The following PRKG2 variants were observed in gnomAD, a reference collection of about 807,000 sequenced individuals.
The protein encoded by PRKG2 is protein kinase cGMP-dependent 2, also known as cGMP-dependent protein kinase 2.
Under a neutral mutation model 97.2 loss-of-function variants are expected in PRKG2, and 33 were observed. The observed-to-expected ratio is 0.34, with a 90% CI of 0.26 to 0.45. The LOEUF (loss-of-function observed/expected upper bound fraction) is 0.45. PRKG2 is among the 20% of genes least tolerant of loss of function. The pLI, the probability that PRKG2 is intolerant of heterozygous loss-of-function variation, is 1.00. For synonymous variants in PRKG2, 330 were observed against 321.8 expected (o/e 1.03, Z -0.27); for missense variants, 638 against 900.0 (o/e 0.71, Z 3.73).
chr4:81,105,064 C>A (rs1397109332), intron 16 of PRKG2, among the ~76,000 whole-genome samples: 12 of 151,892 alleles, frequency 7.9e-5, no homozygotes, highest in Admixed American at 7.9e-4. Context: ...TTCAAAATAA[C>A]AAGATTATTA....
At chr4:81,093,034 TACTC>T (rs2109941657) in intron 17 of PRKG2, among the ~76,000 whole-genome samples, 1 of 152,294 alleles carries the variant, frequency 6.6e-6, no homozygotes, top group South Asian at 2.1e-4. Flanking sequence ...TTTTCCATCT[TACTC>T]AGTGTAAAAG....
At chr4:81,089,873 G>GT in intron 18 of PRKG2, 70 bp from the exon 19 acceptor site, 2 of 1,264,928 alleles carry the variant, frequency 1.6e-6, no homozygotes, top group Non-Finnish European at 2.3e-6. Flanking sequence ...TATGGGTAAT[G>GT]TTTTTTATTT....
chr4:81,193,028 GT>G (rs916131110), intron 2 of PRKG2: 5 of 153,000 alleles, frequency 3.3e-5, no homozygotes, highest in African/African-American at 9.7e-5. Context: ...TCTCACTGTT[GT>G]TTTTTGTTTT....
chr4:81,090,317 C>G (rs59361176), intron 18 of PRKG2, among the ~76,000 whole-genome samples: 6,875 of 151,784 alleles, frequency 0.045, 523 homozygotes, highest in East Asian at 0.33. Context: ...GAGATCACAC[C>G]ACTGCACTCC....
intron 13 of PRKG2, 123 bp from the exon 14 acceptor site, chr4:81,135,419 A>G: frequency 9.9e-7 from 1 of 1,008,496 alleles, no homozygotes; most frequent in Non-Finnish European, 1.4e-6. Flanking sequence ...GGGTATCAAC[A>G]ATAAAATGTA....
At chr4:81,129,238 C>T (rs1469649031) in intron 14 of PRKG2, among the ~76,000 whole-genome samples, 1 of 151,928 alleles carries the variant, frequency 6.6e-6, no homozygotes, top group Non-Finnish European at 1.5e-5. Context: ...ATTATGTGGT[C>T]GATTTTAGAA....
intron 1 of PRKG2, among the ~76,000 whole-genome samples, chr4:81,214,110 G>A (rs1422958832): frequency 1.3e-5 from 2 of 150,962 alleles, no homozygotes; most frequent in Non-Finnish European, 2.9e-5. Context: ...TCTAAATATG[G>A]GGGTGTGGTG....
Position 81,148,938 on chromosome 4 carries a change from G to A in PRKG2, c.1100C>T (p.Ser367Leu). The A allele has an allele frequency of 6.2e-7, 1 of 1,613,608 alleles. No homozygotes were observed. Among genetic ancestry groups the A allele is most frequent in the Non-Finnish European group, 8.5e-7 (1 of 1,179,624 alleles). ...EKALISDDVR[S>L]ANIIAEENDV... ...ATTTTCTTCAGCAATAATGTTAGCT[G>A]ACCTGACATCATCACTGCAAACAAA... Residue 367 changes from serine to leucine, a missense_variant, in exon 9 of 19, where the codon TCA becomes TTA. Ser to Leu is a moderately radical substitution (Grantham distance 145, BLOSUM62 -2). Around this residue, in one of 3 missense-constraint regions of PRKG2, gnomAD observed 2 missense variants for 17.8 expected, o/e 0.11. Coordinates refer to ENST00000264399, the MANE Select transcript of PRKG2 (RefSeq NM_006259.3).
intron 14 of PRKG2, among the ~76,000 whole-genome samples, chr4:81,118,140 T>G (rs1744733341): frequency 6.6e-6 from 1 of 152,208 alleles, no homozygotes; most frequent in Non-Finnish European, 1.5e-5. Context: ...AATATGCATT[T>G]TGTTTTTTCG....
At chr4:81,168,420 G>GC in intron 5 of PRKG2, among the ~76,000 whole-genome samples, 1 of 152,110 alleles carries the variant, frequency 6.6e-6, no homozygotes, top group Non-Finnish European at 1.5e-5. Flanking sequence ...GATTATCCGA[G>GC]CTTTTTCCAC....
intron 9 of PRKG2, 134 bp from the exon 10 acceptor site, chr4:81,144,464 T>C (rs929124718): frequency 2.1e-5 from 14 of 680,338 alleles, no homozygotes; most frequent in Admixed American, 1.7e-4. Context: ...TTATGAAATA[T>C]TGAAGTTGAT....
At chr4:81,119,946 T>C (rs1402370659) in intron 14 of PRKG2, among the ~76,000 whole-genome samples, 1 of 152,152 alleles carries the variant, frequency 6.6e-6, no homozygotes, top group Non-Finnish European at 1.5e-5. Flanking sequence ...ACAAATTGAA[T>C]TGAATTTATA....
rs935020981 is a variant in PRKG2, at chr4:81,152,068, A to C, written c.991-14T>G. On this transcript the variant is annotated splice_polypyrimidine_tract_variant and intron_variant, in intron 7 of 18. Coordinates refer to ENST00000264399, the MANE Select transcript of PRKG2 (RefSeq NM_006259.3). ...TGTTACTTTTACCTAAACAATGTTA[A>C]GCAATACAAACAGAAAGAGACTGAA... 4 of 1,578,344 alleles carry C rather than the reference A, an allele frequency of 2.5e-6. 1 individual carries two copies. In the African/African-American group the frequency reaches 4.1e-5, roughly 16 times the overall value.
At chr4:81,201,034 C>T (rs1753278035) in intron 2 of PRKG2, among the ~76,000 whole-genome samples, 1 of 152,156 alleles carries the variant, frequency 6.6e-6, no homozygotes, top group Non-Finnish European at 1.5e-5. Flanking sequence ...GACTCATTTT[C>T]TGTGGCGTTG....
chr4:81,167,630 T>A (rs1296262214), intron 5 of PRKG2, among the ~76,000 whole-genome samples: 1 of 152,112 alleles, frequency 6.6e-6, no homozygotes, highest in African/African-American at 2.4e-5. Context: ...AATCAGATTT[T>A]TGTCTAAATC....
chr4:81,157,831 C>T (rs1749239725), intron 6 of PRKG2, among the ~76,000 whole-genome samples: 1 of 150,100 alleles, frequency 6.7e-6, no homozygotes, highest in Non-Finnish European at 1.5e-5. Flanking sequence ...ACAAAAACCA[C>T]ATGATTATCT....
At chr4:81,109,431 T>C (rs1230675908) in intron 15 of PRKG2, among the ~76,000 whole-genome samples, 1 of 152,190 alleles carries the variant, frequency 6.6e-6, no homozygotes, top group African/African-American at 2.4e-5. Flanking sequence ...TCAAATCAGT[T>C]AACCAGAAAT....
At chr4:81,193,028 G>GT (rs916131110) in intron 2 of PRKG2, 1 of 153,000 alleles carries the variant, frequency 6.5e-6, no homozygotes, top group Non-Finnish European at 1.5e-5. Flanking sequence ...TCTCACTGTT[G>GT]TTTTTTGTTT....
Position 81,144,258 on chromosome 4 carries a change from G to A in PRKG2, c.1227C>T (p.Asn409=), listed in dbSNP as rs1747581401. ...KYLEGYVANL[N]RDDEKRHAKR... is the part of the protein sequence containing the mutation. ...TCGCATGTCTTTTTTCATCATCACG[G>A]TTCAGGTTTGCCACATATCCTTCAA... The change falls in exon 10 of 19, where the codon AAC becomes AAT. Residue 409 remains asparagine (N), a synonymous_variant. Coordinates refer to ENST00000264399, the MANE Select transcript of PRKG2 (RefSeq NM_006259.3). 1.9e-6 allele frequency: 3 copies of A among 1,611,206 alleles called. No individual in the cohort carries two copies. In the South Asian group the frequency reaches 3.3e-5, roughly 18 times the overall value.
Sources: allele counts gnomAD v4.1 joint callset (sites outside exome capture counted in the v4.1 genomes callset), GRCh38; gene constraint gnomAD v4.1.1; regional missense constraint gnomAD v4.1.1; transcripts MANE v1.5; gene names NCBI Gene and HGNC (gene_info 2026-07-23, HGNC 2026-07-21).